MICU1: variants seen among roughly 807,000 people sequenced by gnomAD.
MICU1 encodes the protein mitochondrial calcium uptake 1.
Under a neutral mutation model 56.8 loss-of-function variants are expected in MICU1, and 45 were observed. That is an observed-to-expected ratio of 0.79 (90% confidence interval 0.62 to 1.02). The LOEUF is 1.02. MICU1 is among the 50% of genes least tolerant of loss of function. The pLI, the probability that MICU1 is intolerant of heterozygous loss-of-function variation, is 0.00. For missense variants in MICU1, 504 were observed against 587.1 expected (o/e 0.86, Z 1.46); for synonymous variants, 186 against 195.1 (o/e 0.95, Z 0.39).
chr10:72,601,972 G>T (rs890358722), intron 1 of MICU1, among the ~76,000 whole-genome samples: 1 of 150,346 alleles, frequency 6.7e-6, no homozygotes, highest in African/African-American at 2.4e-5. Flanking sequence ...GCTAATTTTT[G>T]TATTTTTGGT....
chr10:72,548,783 G>A (rs1287348925), intron 4 of MICU1, among the ~76,000 whole-genome samples: 7 of 152,054 alleles, frequency 4.6e-5, no homozygotes, highest in African/African-American at 1.4e-4. Context: ...TGCAACCTCC[G>A]CCTCCTGGGT....
At chr10:72,606,765 A>G (rs185806446) in intron 1 of MICU1, among the ~76,000 whole-genome samples, 3 of 152,184 alleles carry the variant, frequency 2.0e-5, no homozygotes, top group Non-Finnish European at 4.4e-5. Flanking sequence ...TGTGCAACCA[A>G]CCATGTGATT....
At chr10:72,504,570 C>A (rs191222915) in intron 6 of MICU1, among the ~76,000 whole-genome samples, 3 of 151,840 alleles carry the variant, frequency 2.0e-5, no homozygotes, top group South Asian at 2.1e-4. Flanking sequence ...AACTTTGGGG[C>A]GAAATTTATG....
chr10:72,425,171 G>A (rs984741155), intron 8 of MICU1, among the ~76,000 whole-genome samples: 6 of 152,182 alleles, frequency 3.9e-5, no homozygotes, highest in Non-Finnish European at 8.8e-5. Context: ...GCTTCTTCAA[G>A]GCATGTGAAA....
chr10:72,401,370 C>T (rs1285436840), intron 10 of MICU1, among the ~76,000 whole-genome samples: 2 of 152,160 alleles, frequency 1.3e-5, no homozygotes, highest in Non-Finnish European at 2.9e-5. Context: ...TCCATCACTT[C>T]AGGCCAGGTG....
At chr10:72,563,685 T>G (rs1840353995) in intron 2 of MICU1, among the ~76,000 whole-genome samples, 1 of 152,214 alleles carries the variant, frequency 6.6e-6, no homozygotes, top group African/African-American at 2.4e-5. Context: ...ACTACTGAAC[T>G]GCATATTTTA....
chr10:72,532,788 T>C, intron 5 of MICU1: 6 of 921,162 alleles, frequency 6.5e-6, no homozygotes, highest in Non-Finnish European at 7.8e-6. Flanking sequence ...AGGTAACTTT[T>C]AGGCAGGTGG....
At chr10:72,525,806 CAGAG>C (rs774835766) in intron 5 of MICU1, among the ~76,000 whole-genome samples, 62 of 152,284 alleles carry the variant, frequency 4.1e-4, no homozygotes, top group South Asian at 1.0e-3. Flanking sequence ...ATGTAACTGA[CAGAG>C]AGGTTAACTG....
At chr10:72,459,657 C>T (rs573183448) in intron 8 of MICU1, among the ~76,000 whole-genome samples, 1 of 152,186 alleles carries the variant, frequency 6.6e-6, no homozygotes, top group Non-Finnish European at 1.5e-5. Flanking sequence ...AAATTATACA[C>T]TGTCCTTGAG....
Position 72,561,810 on chromosome 10 carries a change from C to T in MICU1, c.330+1085G>A, listed in dbSNP as rs184311710. 9.7e-3 allele frequency among the ~76,000 whole-genome samples: 1,482 copies of T among 152,132 alleles called. 15 individuals carry two copies. The highest frequency in any genetic ancestry group is 0.015 in the Non-Finnish European group (999 of 67,986). ...TGGGCAACAGAGGGAGACTCTGTCT[C>T]CAAAAATAAAAAAATTACTTCATCT... On this transcript the variant is annotated intron_variant, in intron 3 of 11. Transcript: ENST00000361114.
chr10:72,508,155 T>C lies in MICU1; in HGVS notation c.652A>G (p.Thr218Ala), dbSNP rs1302786796. 5 of 1,477,302 alleles carry C rather than the reference T, an allele frequency of 3.4e-6. No individual in the cohort carries two copies. Among genetic ancestry groups the C allele is most frequent in the Non-Finnish European group, 4.6e-6 (5 of 1,091,490 alleles). The allele number at this position is 1,477,302 out of a possible 1,614,324, so 91.5% of individuals were successfully genotyped here. Residue 218 changes from threonine to alanine, a missense_variant and splice_region_variant, in exon 6 of 12, where the codon ACT becomes GCT. Transcript: ENST00000361114. ...GGAAAAAGAAAACGTTTATACTTAC[T>C]GGAAAGAACAGTTGTGAGGAAAATG... ...DYIFLTTVLS[T>A]PQRNFEIAFK... is the part of the protein sequence containing the mutation.
At chr10:72,459,452 A>C (rs1865582017) in intron 8 of MICU1, among the ~76,000 whole-genome samples, 1 of 152,164 alleles carries the variant, frequency 6.6e-6, no homozygotes, top group South Asian at 2.1e-4. Context: ...CTGTCTCTTT[A>C]CAACCTTATC....
intron 1 of MICU1, among the ~76,000 whole-genome samples, chr10:72,575,208 C>T (rs1043210871): frequency 6.6e-6 from 1 of 151,916 alleles, no homozygotes; most frequent in Non-Finnish European, 1.5e-5. Context: ...TTTTTGGAAA[C>T]ACTCATCTCA....
At chr10:72,624,630 C>T (rs1842185958) in intron 1 of MICU1, among the ~76,000 whole-genome samples, 1 of 152,194 alleles carries the variant, frequency 6.6e-6, no homozygotes, top group Non-Finnish European at 1.5e-5. Flanking sequence ...ATCATTCTTT[C>T]CCTTTCTCCT....
At chr10:72,510,790 G>A (rs746552404) in intron 5 of MICU1, among the ~76,000 whole-genome samples, 10 of 151,938 alleles carry the variant, frequency 6.6e-5, no homozygotes, top group Non-Finnish European at 1.0e-4. Context: ...ACACCACCAC[G>A]CCCATCTAAT....
intron 9 of MICU1, among the ~76,000 whole-genome samples, chr10:72,409,837 A>G (rs570691045): frequency 6.6e-6 from 1 of 152,350 alleles, no homozygotes; most frequent in Admixed American, 6.5e-5. Context: ...TGTACAACTT[A>G]TCAAACTCTT....
Position 72,475,307 on chromosome 10 carries a change from A to C in MICU1, c.736-10T>G. 1 of 1,576,796 alleles carries C rather than the reference A, an allele frequency of 6.3e-7. No homozygotes were observed. Among genetic ancestry groups the C allele is most frequent in the South Asian group, 1.2e-5 (1 of 85,304 alleles). ...GAATGATGCTCTGAACCTAATACAG[A>C]ATCAAACCCACATCCAGAAAAATAT... On this transcript the variant is annotated splice_polypyrimidine_tract_variant and intron_variant, in intron 7 of 11. Coordinates refer to ENST00000361114, the MANE Select transcript of MICU1 (RefSeq NM_001195518.2).
intron 5 of MICU1, among the ~76,000 whole-genome samples, chr10:72,517,850 A>C (rs1305636860): frequency 6.6e-6 from 1 of 151,610 alleles, no homozygotes; most frequent in Non-Finnish European, 1.5e-5. Flanking sequence ...ATGGTGTTTA[A>C]TCTTTTACTA....
chr10:72,464,554 T>C (rs1470589214), intron 8 of MICU1, among the ~76,000 whole-genome samples: 1 of 152,112 alleles, frequency 6.6e-6, no homozygotes, highest in Non-Finnish European at 1.5e-5. Context: ...CTGTATAGGT[T>C]TGTAGCGTAG....
Sources: allele counts gnomAD v4.1 joint callset (sites outside exome capture counted in the v4.1 genomes callset), GRCh38; gene constraint gnomAD v4.1.1; transcripts MANE v1.5; gene names NCBI Gene and HGNC (gene_info 2026-07-23, HGNC 2026-07-21).